Variants in EPHB2 observed in about 807,000 individuals in gnomAD.
EPHB2 encodes EPH receptor B2.
Under a neutral mutation model 96.4 loss-of-function variants are expected in EPHB2, and 18 were observed. The ratio of observed to expected loss-of-function variants is 0.19; its 90% CI spans 0.13 to 0.28. EPHB2 has a LOEUF of 0.28. EPHB2 is among the 10% of genes least tolerant of loss of function. The pLI is 1.00. For synonymous variants in EPHB2, 506 were observed against 534.1 expected (o/e 0.95, Z 0.72); for missense variants, 989 against 1,355.4 (o/e 0.73, Z 4.25).
At chr1:22,853,302 A>G (rs3935110) in intron 3 of EPHB2, among the ~76,000 whole-genome samples, 10,850 of 152,258 alleles carry the variant, frequency 0.071, 1,186 homozygotes, top group African/African-American at 0.24. Context: ...GCAGTGAGCC[A>G]AGATCGCGCC....
chr1:22,711,340 G>T (rs1386875631), intron 1 of EPHB2, among the ~76,000 whole-genome samples: 5 of 147,952 alleles, frequency 3.4e-5, no homozygotes, highest in Non-Finnish European at 7.5e-5. Context: ...ACGCGCGCTC[G>T]CCGCCCCCGG....
chr1:22,791,916 A>C (rs1644699403), intron 3 of EPHB2, among the ~76,000 whole-genome samples: 1 of 152,126 alleles, frequency 6.6e-6, no homozygotes, highest in East Asian at 1.9e-4. Flanking sequence ...TTTGACAAAC[A>C]TTGCCAAATT....
intron 6 of EPHB2, among the ~76,000 whole-genome samples, chr1:22,886,638 T>G (rs555692723): frequency 1.8e-4 from 27 of 149,334 alleles, no homozygotes; most frequent in African/African-American, 6.7e-4. Context: ...TTTTTTTTTT[T>G]TTTTTGAGAC....
intron 3 of EPHB2, among the ~76,000 whole-genome samples, chr1:22,847,203 G>T (rs1164056866): frequency 6.6e-6 from 1 of 152,220 alleles, no homozygotes; most frequent in Non-Finnish European, 1.5e-5. Context: ...TTCACTGCAG[G>T]TAAGTCCTAT....
chr1:22,783,478 G>A lies in EPHB2; in HGVS notation c.127-914G>A, dbSNP rs529691536. On this transcript the variant is annotated intron_variant, in intron 2 of 15. Transcript: ENST00000374630. ...AGGGCTGAGTGTACTGGGCACTCACGCAGGGAGATTGTTCCCGAAGGCCCT... is the reference window on the plus strand; with the variant it reads ...AGGGCTGAGTGTACTGGGCACTCACACAGGGAGATTGTTCCCGAAGGCCCT... Among the ~76,000 whole-genome samples, 34 of 152,316 alleles carry A rather than the reference G, an allele frequency of 2.2e-4. No homozygotes were observed. In the East Asian group the frequency reaches 5.8e-3, roughly 26 times the overall value.
chr1:22,755,198 C>T (rs1198631934), intron 1 of EPHB2, among the ~76,000 whole-genome samples: 1 of 152,050 alleles, frequency 6.6e-6, no homozygotes, highest in Non-Finnish European at 1.5e-5. Flanking sequence ...GTGTCAGGTG[C>T]CACTAAATCC....
chr1:22,896,567 G>T lies in EPHB2; in HGVS notation c.1765+89G>T, dbSNP rs759409417. 1.2e-4 allele frequency: 192 copies of T among 1,542,450 alleles called. 2 individuals are homozygous for T. The highest frequency in any genetic ancestry group is 7.2e-4 in the South Asian group (64 of 88,966). The stretch of plus-strand genomic sequence containing the variant: ...CTTAAGCCATCTTTGACCTCCTTCT[G>T]CCATGCTGCAGGCAGACAATGTCAA... On this transcript the variant is annotated intron_variant, in intron 9 of 15. Transcript: ENST00000374630.
At chr1:22,741,689 C>CAAAAAA (rs1553160119) in intron 1 of EPHB2, among the ~76,000 whole-genome samples, 12 of 126,592 alleles carry the variant, frequency 9.5e-5, no homozygotes, top group South Asian at 2.7e-4. Flanking sequence ...CAAAAAAAAA[C>CAAAAAA]AAAAAAACAA....
At chr1:22,878,975 C>T (rs946067134) in intron 5 of EPHB2, among the ~76,000 whole-genome samples, 3 of 152,212 alleles carry the variant, frequency 2.0e-5, no homozygotes, top group Non-Finnish European at 2.9e-5. Flanking sequence ...GACAGCAGCA[C>T]GCCTCTGACT....
In EPHB2 at chr1:22,913,957, A is replaced by C; in HGVS notation, c.*387A>C. The C allele has an allele frequency of 6.9e-7, 1 of 1,453,144 alleles. No individual in the cohort carries two copies. The highest frequency in any genetic ancestry group is 9.1e-7 in the Non-Finnish European group (1 of 1,098,336). 90.0% of individuals were successfully genotyped at this position (1,453,144 alleles called of 1,614,324 possible). On this transcript the variant is annotated 3_prime_UTR_variant, in exon 16 of 16. Coordinates refer to ENST00000374630, the MANE Select transcript of EPHB2 (RefSeq NM_017449.5). This position sits in a 1 kb window ranked among gnomAD's most constrained non-coding sequence, Gnocchi z 4.1. Reference sequence around the variant, plus strand: ...CTCCCTCTGGGAAGGTGACCTGGCCAGAGCCAAGAAACACTTTCAGAAAAA... The same window carrying C: ...CTCCCTCTGGGAAGGTGACCTGGCCCGAGCCAAGAAACACTTTCAGAAAAA...
rs1640372252 is a variant in EPHB2 at position 22,920,577 on chromosome 1, G to C, written c.*7007G>C. ...AGTCACTGCCTTCCAGAGCTGGGAG[G>C]CCACACGGCAGAGGTGCCTGTGAAT... On this transcript the variant is annotated 3_prime_UTR_variant, in exon 16 of 16. Coordinates refer to ENST00000374630, the MANE Select transcript of EPHB2 (RefSeq NM_017449.5). The C allele has an allele frequency of 6.6e-6, 1 of 152,342 alleles. No individual in the cohort carries two copies. The highest frequency in any genetic ancestry group is 1.5e-5 in the Non-Finnish European group (1 of 68,210). The allele number at this position is 152,342 out of a possible 1,614,324, so 9.4% of individuals were successfully genotyped here. A position where few individuals can be genotyped will look rare whatever the true frequency, so the allele number is the denominator to read the frequency against.
At chr1:22,768,243 A>C (rs919020738) in intron 1 of EPHB2, among the ~76,000 whole-genome samples, 1 of 152,194 alleles carries the variant, frequency 6.6e-6, no homozygotes, top group Non-Finnish European at 1.5e-5. Flanking sequence ...GGCCTGGAGA[A>C]GCCCTCCATA....
intron 3 of EPHB2, among the ~76,000 whole-genome samples, chr1:22,810,997 A>T (rs1341875376): frequency 1.3e-5 from 2 of 152,048 alleles, no homozygotes; most frequent in Admixed American, 6.6e-5. Context: ...GGTGTCAAGG[A>T]CCTAAACTAG....
intron 1 of EPHB2, among the ~76,000 whole-genome samples, chr1:22,776,406 T>C (rs1459029162): frequency 6.6e-6 from 1 of 152,188 alleles, no homozygotes; most frequent in African/African-American, 2.4e-5. Flanking sequence ...TACATCCTCA[T>C]TGTGATCTTA....
chr1:22,912,830 G>A (rs758834586), intron 15 of EPHB2: 8 of 581,176 alleles, frequency 1.4e-5, no homozygotes, highest in Admixed American at 7.2e-5. Flanking sequence ...CTCAGCCTCC[G>A]TTTTCTCACC....
intron 3 of EPHB2, among the ~76,000 whole-genome samples, chr1:22,818,111 G>A (rs373992821): frequency 2.3e-4 from 35 of 152,090 alleles, no homozygotes; most frequent in Middle Eastern, 3.4e-3. Context: ...TTAGTCTGTC[G>A]CTTCCCTTAC....
chr1:22,857,304 T>C (rs1286970060), intron 3 of EPHB2, among the ~76,000 whole-genome samples: 1 of 152,134 alleles, frequency 6.6e-6, no homozygotes, highest in African/African-American at 2.4e-5. Flanking sequence ...CCACTGCATA[T>C]GGAGCATGTC....
intron 5 of EPHB2, among the ~76,000 whole-genome samples, chr1:22,874,868 G>A (rs1291282062): frequency 1.3e-5 from 2 of 151,968 alleles, no homozygotes; most frequent in Non-Finnish European, 2.9e-5. Flanking sequence ...TCCCAAAAAC[G>A]TTAAGAACTA....
chr1:22,828,040 G>C (rs1645249347), intron 3 of EPHB2, among the ~76,000 whole-genome samples: 1 of 152,196 alleles, frequency 6.6e-6, no homozygotes, highest in African/African-American at 2.4e-5. Flanking sequence ...CACTTTTGAT[G>C]CCCAAGCAAA....
Sources: gnomAD v4.1 joint callset for allele counts (sites outside exome capture counted in the v4.1 genomes callset) on GRCh38, gnomAD v4.1.1 for gene constraint, Gnocchi (gnomAD v3.1) non-coding constraint, MANE v1.5 for transcripts, NCBI Gene and HGNC (gene_info 2026-07-23, HGNC 2026-07-21) for gene names.